Variants in DNMBP observed in about 807,000 individuals in gnomAD.
DNMBP encodes dynamin binding protein, also known as dynamin-binding protein.
Under a neutral mutation model 150.0 loss-of-function variants are expected in DNMBP, and 87 were observed. The observed-to-expected ratio is 0.58, with a 90% CI of 0.49 to 0.69. The LOEUF is 0.69. Ranked by LOEUF, DNMBP falls within the 30% of genes least tolerant of loss-of-function variation. DNMBP has a pLI of 0.00. For synonymous variants in DNMBP, 711 were observed against 750.4 expected (o/e 0.95, Z 0.86); for missense variants, 1,774 against 1,949.0 (o/e 0.91, Z 1.69).
At chr10:99,880,536 A>G (rs1027165938) in intron 15 of DNMBP, among the ~76,000 whole-genome samples, 175 bp from the exon 16 acceptor site, 4 of 152,368 alleles carry the variant, frequency 2.6e-5, no homozygotes, top group Non-Finnish European at 2.9e-5. Flanking sequence ...GCCTAGTGAC[A>G]AAGCGGCTTG....
intron 7 of DNMBP, among the ~76,000 whole-genome samples, chr10:99,899,637 CA>C (rs10616990): frequency 0.63 from 94,275 of 150,774 alleles, 29,877 homozygotes; most frequent in East Asian, 0.79. Context: ...GACTCCGTCT[CA>C]AAAAAAAAAA....
intron 6 of DNMBP, among the ~76,000 whole-genome samples, chr10:99,906,644 G>A (rs7910099): frequency 0.32 from 48,155 of 151,948 alleles, 8,226 homozygotes; most frequent in Non-Finnish European, 0.38. Context: ...ATGCCACGTC[G>A]TGAGGAAAGC....
chr10:99,915,108 A>AATATAT (rs1554863107), intron 4 of DNMBP, among the ~76,000 whole-genome samples: 89 of 99,750 alleles, frequency 8.9e-4, no homozygotes, highest in African/African-American at 1.4e-3. Context: ...AAAAAAAAAA[A>AATATAT]ATATATATAT....
At chr10:99,949,283 A>G (rs1359603112) in intron 4 of DNMBP, among the ~76,000 whole-genome samples, 1 of 152,212 alleles carries the variant, frequency 6.6e-6, no homozygotes, top group Admixed American at 6.5e-5. Context: ...TGTGTGGGAA[A>G]TGACACACTG....
chr10:99,972,933 C>T (rs1384153008), intron 1 of DNMBP, among the ~76,000 whole-genome samples: 1 of 152,176 alleles, frequency 6.6e-6, no homozygotes, highest in Non-Finnish European at 1.5e-5. Flanking sequence ...AGGCATGCAC[C>T]ACCATGCCCA....
chr10:99,901,189 G>A (rs2039732059), intron 6 of DNMBP, among the ~76,000 whole-genome samples: 1 of 152,148 alleles, frequency 6.6e-6, no homozygotes, highest in African/African-American at 2.4e-5. Context: ...ACCTGCCTGG[G>A]CCTCCCAAAG....
intron 1 of DNMBP, among the ~76,000 whole-genome samples, chr10:100,002,952 A>C (rs2041031718): frequency 6.6e-6 from 1 of 152,218 alleles, no homozygotes; most frequent in Admixed American, 6.5e-5. Context: ...TCTTTTTAAG[A>C]CTGAGAACAA....
chr10:99,930,910 T>TCGGAG (rs754668078), intron 4 of DNMBP: 2 of 549,116 alleles, frequency 3.6e-6, no homozygotes, highest in Non-Finnish European at 6.4e-6. Context: ...GTTGCTCTAG[T>TCGGAG]CGGAGCGCAG....
rs765026090 is a variant in DNMBP, at chr10:99,879,983, G to T, written c.4376C>A (p.Pro1459His). 6.2e-7 allele frequency: 1 copy of T among 1,614,218 alleles called. No individual in the cohort carries two copies. Among genetic ancestry groups the T allele is most frequent in the East Asian group, 2.2e-5 (1 of 44,890 alleles). ...CCGGTAGCTCCTCGGCGTGGCAGTG[G>T]GTTGCTTTACATCTCTAGCTACATC... ...SADVARDVKQ[P>H]TATPRSYRNF... Residue 1459 changes from proline to histidine, a missense_variant, in exon 16 of 17, where the codon CCC (proline) becomes CAC (histidine). By Grantham distance (77) the Pro-to-His change is moderately conservative. This residue lies in a region of DNMBP where 1,430 missense variants were observed against 1,492.5 expected (regional missense o/e 0.96). Coordinates refer to ENST00000324109, the MANE Select transcript of DNMBP (RefSeq NM_015221.4).
At chr10:99,969,059 C>T (rs1041343267) in intron 3 of DNMBP, 56 bp downstream of exon 3, 41 of 1,600,672 alleles carry the variant, frequency 2.6e-5, no homozygotes, top group Non-Finnish European at 3.2e-5. Context: ...GTTGTCGAAA[C>T]GGGCAGACTC....
intron 3 of DNMBP, among the ~76,000 whole-genome samples, chr10:99,964,561 C>T (rs1017454875): frequency 9.3e-5 from 14 of 150,426 alleles, no homozygotes; most frequent in Non-Finnish European, 1.8e-4. Flanking sequence ...AAGAGACAGA[C>T]TTGTTTCTCA....
chr10:99,954,453 T>G (rs552078007), intron 4 of DNMBP, among the ~76,000 whole-genome samples: 137 of 151,666 alleles, frequency 9.0e-4, no homozygotes, highest in African/African-American at 3.2e-3. Context: ...AATAAGAAAT[T>G]AGGTAGTGAG....
intron 12 of DNMBP, 53 bp downstream of exon 12, chr10:99,888,772 T>C (rs2039511149): frequency 6.2e-7 from 1 of 1,608,610 alleles, no homozygotes. Flanking sequence ...TGAGCTGATG[T>C]ATTTGAGATG....
chr10:100,007,642 T>C (rs1244445538), intron 1 of DNMBP, among the ~76,000 whole-genome samples: 2 of 152,172 alleles, frequency 1.3e-5, no homozygotes, highest in Non-Finnish European at 2.9e-5. Context: ...AATGAAATAA[T>C]ACATTTTAGC....
chr10:99,941,601 T>G (rs1025283474), intron 4 of DNMBP, among the ~76,000 whole-genome samples: 6 of 152,116 alleles, frequency 3.9e-5, no homozygotes, highest in Non-Finnish European at 7.4e-5. Flanking sequence ...CCCTAGTAGC[T>G]GGGATTACAG....
At position 99,956,172 on chromosome 10, in the gene DNMBP, T is replaced by C; in HGVS notation, c.1302A>G (p.Gly434=). ...LQKSQYYSTV[G]GSHPHSEQYP... The stretch of plus-strand genomic sequence containing the variant: ...ACTGTTCTGAGTGCGGGTGGCTCCC[T>C]CCCACTGTAGAATAATACTGGCTTT... Residue 434 remains glycine, a synonymous_variant, in exon 4 of 17, where the codon GGA becomes GGG. Transcript: ENST00000324109. The C allele has an allele frequency of 1.2e-6, 2 of 1,614,082 alleles. No homozygotes were observed. The highest frequency in any genetic ancestry group is 1.7e-6 in the Non-Finnish European group (2 of 1,180,010).
intron 4 of DNMBP, among the ~76,000 whole-genome samples, chr10:99,935,414 CCT>C (rs1419131233): frequency 6.6e-6 from 1 of 151,966 alleles, no homozygotes; most frequent in Non-Finnish European, 1.5e-5. Context: ...AGAGACAGGG[CCT>C]CTCTTTGTCA....
At chr10:99,941,496 TTC>T (rs2040300247) in intron 4 of DNMBP, among the ~76,000 whole-genome samples, 1 of 151,860 alleles carries the variant, frequency 6.6e-6, no homozygotes, top group Non-Finnish European at 1.5e-5. Flanking sequence ...GAGATGGAGT[TTC>T]ACTCTTGTTG....
At position 99,895,012 on chromosome 10, in the gene DNMBP, G is replaced by C. The variant is rs1280318737; in HGVS notation, c.3090C>G (p.Phe1030Leu). 3.7e-6 allele frequency: 6 copies of C among 1,613,504 alleles called. No homozygotes were observed. The East Asian group carries it at 8.9e-5, about 24-fold the overall frequency. ...DEVFEETEKN[F>L]RMQERLIKSF... ...ACTTAATCAATCTTTCTTGCATTCG[G>C]AAGTTTTTTTCTGTTTCTTCAAATA... The change falls in exon 11 of 17, where the codon TTC becomes TTG. Residue 1030 changes from phenylalanine (F) to leucine (L), a missense_variant. Physicochemically the swap from Phe to Leu is conservative, Grantham distance 22. Coordinates refer to ENST00000324109, the MANE Select transcript of DNMBP (RefSeq NM_015221.4).
Sources: gnomAD v4.1 joint callset for allele counts (sites outside exome capture counted in the v4.1 genomes callset) on GRCh38, gnomAD v4.1.1 for gene constraint, gnomAD v4.1.1 regional missense constraint, MANE v1.5 for transcripts, NCBI Gene and HGNC (gene_info 2026-07-23, HGNC 2026-07-21) for gene names.